The following KCND2 variants were observed in gnomAD, a reference collection of about 807,000 sequenced individuals.
KCND2 encodes the protein potassium voltage-gated channel subfamily D member 2.
KCND2 carries 16 observed loss-of-function variants against 54.4 expected under a neutral mutation model. That is an observed-to-expected ratio of 0.29 (90% CI 0.20 to 0.45). KCND2 has a LOEUF of 0.45. Among genes scored for constraint, KCND2 ranks in the 20% least tolerant of loss-of-function variants. The probability of loss-of-function intolerance (pLI) is 1.00; values close to 1 mark genes in which losing one functional copy is unlikely to be tolerated. For synonymous variants in KCND2, 317 were observed against 310.7 expected (o/e 1.02, Z -0.21); for missense variants, 486 against 824.2 (o/e 0.59, Z 5.02).
intron 1 of KCND2, among the ~76,000 whole-genome samples, chr7:120,376,385 A>G (rs1800835559): frequency 6.6e-6 from 1 of 151,574 alleles, no homozygotes; most frequent in Non-Finnish European, 1.5e-5. Context: ...AATTAGGTGA[A>G]TAAATTATTT....
At chr7:120,326,713 A>G (rs1799983971) in intron 1 of KCND2, among the ~76,000 whole-genome samples, 1 of 152,098 alleles carries the variant, frequency 6.6e-6, no homozygotes, top group Non-Finnish European at 1.5e-5. Context: ...AAATATAAAT[A>G]TTTGTATTTG....
intron 1 of KCND2, among the ~76,000 whole-genome samples, chr7:120,502,312 T>C (rs1802948961): frequency 6.6e-6 from 1 of 152,032 alleles, no homozygotes; most frequent in Non-Finnish European, 1.5e-5. Context: ...CACTCCTTTC[T>C]TTCATCCTTT....
At chr7:120,744,802 A>G (rs1792985550) in intron 4 of KCND2, among the ~76,000 whole-genome samples, 2 of 152,172 alleles carry the variant, frequency 1.3e-5, no homozygotes, top group Non-Finnish European at 1.5e-5. Context: ...AAAGCCTTCC[A>G]TTATAAGACT....
chr7:120,513,336 C>T (rs1051844198), intron 1 of KCND2, among the ~76,000 whole-genome samples: 2 of 152,028 alleles, frequency 1.3e-5, no homozygotes, highest in African/African-American at 4.8e-5. Flanking sequence ...TCAATGTTGA[C>T]ATTTTATCAT....
At chr7:120,607,761 CA>C (rs1792900782) in intron 1 of KCND2, among the ~76,000 whole-genome samples, 1 of 151,964 alleles carries the variant, frequency 6.6e-6, no homozygotes, top group South Asian at 2.1e-4. Flanking sequence ...GGAAGATACA[CA>C]AGGGCTGTGG....
chr7:120,302,038 T>G (rs1376905943), intron 1 of KCND2, among the ~76,000 whole-genome samples: 2 of 152,186 alleles, frequency 1.3e-5, no homozygotes, highest in African/African-American at 2.4e-5. Flanking sequence ...CATTAATATT[T>G]TAACATGTTA....
chr7:120,358,206 T>C (rs942765572), intron 1 of KCND2, among the ~76,000 whole-genome samples: 1 of 152,148 alleles, frequency 6.6e-6, no homozygotes, highest in Non-Finnish European at 1.5e-5. Flanking sequence ...AAGGTGTGTA[T>C]AACAGGTGAA....
intron 1 of KCND2, among the ~76,000 whole-genome samples, chr7:120,530,571 T>C (rs1791831767): frequency 6.6e-6 from 1 of 152,178 alleles, no homozygotes; most frequent in South Asian, 2.1e-4. Flanking sequence ...ATCTTCCAAC[T>C]ATTATTAGAT....
intron 1 of KCND2, among the ~76,000 whole-genome samples, chr7:120,399,931 G>T (rs1019581695): frequency 6.6e-6 from 1 of 151,926 alleles, no homozygotes; most frequent in Non-Finnish European, 1.5e-5. Context: ...TGACCATGTT[G>T]CCCAGGCTGG....
At chr7:120,327,269 C>T (rs1432546564) in intron 1 of KCND2, among the ~76,000 whole-genome samples, 1 of 152,048 alleles carries the variant, frequency 6.6e-6, no homozygotes, top group African/African-American at 2.4e-5. Context: ...TGGTATAACA[C>T]AGGATGTACA....
At chr7:120,388,435 G>T (rs1055250792) in intron 1 of KCND2, among the ~76,000 whole-genome samples, 1 of 152,018 alleles carries the variant, frequency 6.6e-6, no homozygotes, top group African/African-American at 2.4e-5. Flanking sequence ...TATGCTCAAT[G>T]AATATATGTG....
intron 1 of KCND2, among the ~76,000 whole-genome samples, chr7:120,671,313 G>A (rs2116573423): frequency 6.6e-6 from 1 of 152,118 alleles, no homozygotes; most frequent in Non-Finnish European, 1.5e-5. Context: ...CATACTGTGA[G>A]AATCTAATGC....
At chr7:120,482,913 C>T (rs552686318) in intron 1 of KCND2, among the ~76,000 whole-genome samples, 88 of 152,266 alleles carry the variant, frequency 5.8e-4, no homozygotes, top group African/African-American at 2.0e-3. Flanking sequence ...AATTGCGTCA[C>T]TTATTACTCA....
chr7:120,529,629 T>C (rs1791818930), intron 1 of KCND2, among the ~76,000 whole-genome samples: 1 of 152,152 alleles, frequency 6.6e-6, no homozygotes, highest in Non-Finnish European at 1.5e-5. Flanking sequence ...AGTTGTTAAC[T>C]GAAGTTGAAA....
intron 1 of KCND2, among the ~76,000 whole-genome samples, chr7:120,480,121 TAA>T (rs1802585235): frequency 6.6e-6 from 1 of 151,944 alleles, no homozygotes; most frequent in African/African-American, 2.4e-5. Context: ...GGTATAGATA[TAA>T]AAAAGATGGT....
chr7:120,687,561 A>G (rs1792219300), intron 1 of KCND2, among the ~76,000 whole-genome samples: 2 of 152,052 alleles, frequency 1.3e-5, no homozygotes, highest in African/African-American at 4.8e-5. Flanking sequence ...CATGCCTGTA[A>G]TCCCAGCACT....
chr7:120,711,053 A>G (rs2116065686), intron 1 of KCND2, among the ~76,000 whole-genome samples: 1 of 152,158 alleles, frequency 6.6e-6, no homozygotes, highest in African/African-American at 2.4e-5. Context: ...ATACAAGTGT[A>G]TTTTCTTAAA....
intron 1 of KCND2, among the ~76,000 whole-genome samples, chr7:120,313,814 G>T (rs1339632605): frequency 7.3e-6 from 1 of 137,414 alleles, no homozygotes; most frequent in South Asian, 2.3e-4. Flanking sequence ...TTAGAATCCT[G>T]TGATATTCTA....
At chr7:120,483,128 G>T (rs1436392446) in intron 1 of KCND2, among the ~76,000 whole-genome samples, 7 of 152,088 alleles carry the variant, frequency 4.6e-5, no homozygotes, top group African/African-American at 1.2e-4. Flanking sequence ...CCAGATAAAG[G>T]TTTTATGCTT....
Sources: allele counts gnomAD v4.1 joint callset (sites outside exome capture counted in the v4.1 genomes callset), GRCh38; gene constraint gnomAD v4.1.1; transcripts MANE v1.5; gene names NCBI Gene and HGNC (gene_info 2026-07-23, HGNC 2026-07-21).